Variants in WDR82 observed in about 807,000 individuals in gnomAD.
WDR82 encodes WD repeat-containing protein 82.
In WDR82, 8 loss-of-function variants were observed where a neutral mutation model predicts 36.1. That is an observed-to-expected ratio of 0.22 (90% CI 0.13 to 0.40). The LOEUF (loss-of-function observed/expected upper bound fraction) is 0.40. WDR82 is among the 10% of genes least tolerant of loss of function. The pLI is 1.00. For synonymous variants in WDR82, 129 were observed against 137.8 expected (o/e 0.94, Z 0.45); for missense variants, 185 against 400.5 (o/e 0.46, Z 4.59).
chr3:52,278,543 G>C lies in WDR82; in HGVS notation c.-182C>G, dbSNP rs1247952248. ...TGCTTGGTCGAGGGTCTTCTGCCTGGACTGTGGAGCCTCGCCGACCGTTCG... is the reference window on the plus strand; with the variant it reads ...TGCTTGGTCGAGGGTCTTCTGCCTGCACTGTGGAGCCTCGCCGACCGTTCG... On this transcript the variant is annotated 5_prime_UTR_variant, in exon 1 of 9. Coordinates refer to ENST00000296490, the MANE Select transcript of WDR82 (RefSeq NM_025222.4). The C allele has an allele frequency of 6.3e-6, 3 of 477,932 alleles. No individual in the cohort carries two copies. Among genetic ancestry groups the C allele is most frequent in the East Asian group, 3.5e-5 (1 of 28,320 alleles). The allele number at this position is 477,932 out of a possible 1,614,324, so 29.6% of individuals were successfully genotyped here. A position where few individuals can be genotyped will look rare whatever the true frequency, so the allele number is the denominator to read the frequency against.
chr3:52,257,272 T>A lies in WDR82; in HGVS notation c.*218A>T. The A allele has an allele frequency of 4.9e-6, 3 of 613,228 alleles. No individual in the cohort carries two copies. Among genetic ancestry groups the A allele is most frequent in the Non-Finnish European group, 8.5e-6 (3 of 353,870 alleles). The allele number at this position is 613,228 out of a possible 1,614,324, so 38.0% of individuals were successfully genotyped here. A position where few individuals can be genotyped will look rare whatever the true frequency, so the allele number is the denominator to read the frequency against. ...TGCAGTGACAGTTAGAAAAGCTGAG[T>A]TCCAATTGAGTCTGTTGCACCAAGA... On this transcript the variant is annotated 3_prime_UTR_variant, in exon 9 of 9. Coordinates refer to ENST00000296490, the MANE Select transcript of WDR82 (RefSeq NM_025222.4).
chr3:52,261,793 G>A (rs941009334), intron 3 of WDR82, among the ~76,000 whole-genome samples: 1 of 152,202 alleles, frequency 6.6e-6, no homozygotes, highest in Non-Finnish European at 1.5e-5. Flanking sequence ...TGAGGATGCA[G>A]AGAAATTGGA....
At position 52,260,428 on chromosome 3, in the gene WDR82, T is replaced by C. The variant is rs1353798379; in HGVS notation, c.500A>G (p.Asn167Ser). 3.1e-6 allele frequency: 5 copies of C among 1,593,176 alleles called. No individual in the cohort carries two copies. Among genetic ancestry groups the C allele is most frequent in the Admixed American group, 1.8e-5 (1 of 55,070 alleles). ...PEGLIFAAGV[N>S]SEMVKLYDLR... is the part of the protein sequence containing the mutation. ...GTCATAAAGCTTGACCATTTCAGAG[T>C]TGACACCTGCAGCGAAAATTAACCC... The change falls in exon 5 of 9, where the codon AAC becomes AGC. Residue 167 changes from asparagine (N) to serine (S), a missense_variant. Asn to Ser is a conservative substitution (Grantham distance 46). This residue lies in a region of WDR82 where 110 missense variants were observed against 212.6 expected (regional missense o/e 0.52). Transcript: ENST00000296490.
In WDR82 at chr3:52,272,919, T is replaced by C. The variant is rs1292663165; in HGVS notation, c.162-2110A>G. Reference sequence around the variant, plus strand: ...TTCTCACTACAAATACACTGGATTTTCCACATTCTTACCTTTACTGAAATA... The same window carrying C: ...TTCTCACTACAAATACACTGGATTTCCCACATTCTTACCTTTACTGAAATA... On this transcript the variant is annotated intron_variant, in intron 1 of 8. Coordinates refer to ENST00000296490, the MANE Select transcript of WDR82 (RefSeq NM_025222.4). Among the ~76,000 whole-genome samples, 3 of 152,230 alleles carry C rather than the reference T, an allele frequency of 2.0e-5. No homozygotes were observed. In the East Asian group the frequency reaches 5.8e-4, roughly 29 times the overall value.
At chr3:52,268,426 G>A (rs933405066) in intron 2 of WDR82, 18 of 455,132 alleles carry the variant, frequency 4.0e-5, no homozygotes, top group African/African-American at 3.6e-4. Flanking sequence ...GACAGGAAAG[G>A]GAACATCCTC....
At chr3:52,264,778 G>A (rs1004255166) in intron 3 of WDR82, among the ~76,000 whole-genome samples, 1 of 151,980 alleles carries the variant, frequency 6.6e-6, no homozygotes, top group Non-Finnish European at 1.5e-5. Context: ...TAGGTGGAAG[G>A]GATAGATGTT....
At chr3:52,258,432 G>C (rs1700031164) in intron 8 of WDR82, 104 bp downstream of exon 8, 1 of 1,313,376 alleles carries the variant, frequency 7.6e-7, no homozygotes, top group East Asian at 2.3e-5. Context: ...TTGGATGCTT[G>C]TAATGTACCT....
chr3:52,278,045 TCTC>T (rs1700223462), intron 1 of WDR82, 153 bp downstream of exon 1: 6 of 546,576 alleles, frequency 1.1e-5, no homozygotes, highest in Admixed American at 4.2e-5. Context: ...AAATAAAAGG[TCTC>T]CTGGACGGCT....
At position 52,254,519 on chromosome 3, in the gene WDR82, T is replaced by C. The variant is rs563324163; in HGVS notation, c.*2971A>G. 2.0e-5 allele frequency: 3 copies of C among 152,760 alleles called. No individual in the cohort carries two copies. The East Asian group carries it at 5.8e-4, about 29-fold the overall frequency. The allele number at this position is 152,760 out of a possible 1,614,324, so 9.5% of individuals were successfully genotyped here. On this transcript the variant is annotated 3_prime_UTR_variant, in exon 9 of 9. Transcript: ENST00000296490. Reference sequence around the variant, plus strand: ...AATTGTATATACAGAATAACGACTATGTAAACACACCAAAAATCTATGCAC... The same window carrying C: ...AATTGTATATACAGAATAACGACTACGTAAACACACCAAAAATCTATGCAC...
rs1374596856 is a variant in WDR82, at chr3:52,257,030, A to T, written c.*460T>A. 6.1e-6 allele frequency: 1 copy of T among 165,114 alleles called. No homozygotes were observed. Among genetic ancestry groups the T allele is most frequent in the East Asian group, 1.7e-4 (1 of 5,730 alleles). 10.2% of individuals were successfully genotyped at this position (165,114 alleles called of 1,614,324 possible). A position where few individuals can be genotyped will look rare whatever the true frequency, so the allele number is the denominator to read the frequency against. ...GATAATGCCACAAGTACACAGGGAG[A>T]CCCAGTAACAAGACATGCAGGGTGA... On this transcript the variant is annotated 3_prime_UTR_variant, in exon 9 of 9. Transcript: ENST00000296490.
chr3:52,272,146 T>A (rs1326102997), intron 1 of WDR82, among the ~76,000 whole-genome samples: 1 of 152,204 alleles, frequency 6.6e-6, no homozygotes, highest in East Asian at 1.9e-4. Flanking sequence ...CTCCATTTGT[T>A]GAAGTTCCTT....
chr3:52,258,308 A>G (rs1269754395), intron 8 of WDR82, among the ~76,000 whole-genome samples: 1 of 152,208 alleles, frequency 6.6e-6, no homozygotes, highest in Non-Finnish European at 1.5e-5. Flanking sequence ...TTGGAACTCA[A>G]AGATGATTCC....
chr3:52,273,922 T>C (rs2107342877), intron 1 of WDR82, among the ~76,000 whole-genome samples: 2 of 152,318 alleles, frequency 1.3e-5, no homozygotes, highest in East Asian at 3.9e-4. Flanking sequence ...ACACCTGGAC[T>C]CATTTCCTAA....
At chr3:52,275,490 C>A (rs1700194903) in intron 1 of WDR82, among the ~76,000 whole-genome samples, 1 of 152,192 alleles carries the variant, frequency 6.6e-6, no homozygotes. Context: ...ATTAATTGAT[C>A]AGAGAAAACT....
In WDR82 at chr3:52,257,408, A is replaced by G. The variant is rs1237159117; in HGVS notation, c.*82T>C. 15 of 1,586,760 alleles carry G rather than the reference A, an allele frequency of 9.5e-6. No homozygotes were observed. In the South Asian group the frequency reaches 1.5e-4, roughly 16 times the overall value. ...TTCTCCAGCCCAGTCAAATGATCCA[A>G]TCCCACTATTATCTCAGTTCCCTCT... On this transcript the variant is annotated 3_prime_UTR_variant, in exon 9 of 9. Transcript: ENST00000296490.
At chr3:52,270,426 GTTCTT>G (rs146532057) in intron 2 of WDR82, among the ~76,000 whole-genome samples, 185 of 152,268 alleles carry the variant, frequency 1.2e-3, no homozygotes, top group East Asian at 2.3e-3. Flanking sequence ...CTTTAAAAGC[GTTCTT>G]TTAAGTGTCA....
At chr3:52,265,352 A>T (rs1410540413) in intron 3 of WDR82, among the ~76,000 whole-genome samples, 4 of 143,406 alleles carry the variant, frequency 2.8e-5, no homozygotes, top group East Asian at 2.3e-4. Context: ...GGAGGTCAAG[A>T]GGTTGAATAA....
At chr3:52,276,362 C>T (rs1476323157) in intron 1 of WDR82, among the ~76,000 whole-genome samples, 2 of 151,404 alleles carry the variant, frequency 1.3e-5, no homozygotes, top group Admixed American at 1.3e-4. Flanking sequence ...ACCCGGGAGG[C>T]AGAGGTTGCA....
At chr3:52,260,554 G>A (rs1332919167) in intron 4 of WDR82, 53 bp from the exon 5 acceptor site, 100 of 1,275,470 alleles carry the variant, frequency 7.8e-5, no homozygotes, top group Non-Finnish European at 2.8e-5. Context: ...ACAACCATAC[G>A]TGGAATAACC....
Sources: gnomAD v4.1 joint callset for allele counts (sites outside exome capture counted in the v4.1 genomes callset) on GRCh38, gnomAD v4.1.1 for gene constraint, gnomAD v4.1.1 regional missense constraint, MANE v1.5 for transcripts, NCBI Gene and HGNC (gene_info 2026-07-23, HGNC 2026-07-21) for gene names.